Variants in CHRM3 observed in about 807,000 individuals in gnomAD.
CHRM3 encodes muscarinic acetylcholine receptor M3.
Under a neutral mutation model 41.8 loss-of-function variants are expected in CHRM3, and 11 were observed. The ratio of observed to expected loss-of-function variants is 0.26; its 90% CI spans 0.17 to 0.44. CHRM3 has a LOEUF of 0.44. CHRM3 is among the 20% of genes least tolerant of loss of function. The probability of loss-of-function intolerance (pLI) is 1.00; values close to 1 mark genes in which losing one functional copy is unlikely to be tolerated. For synonymous variants in CHRM3, 297 were observed against 301.4 expected (o/e 0.99, Z 0.15); for missense variants, 571 against 745.4 (o/e 0.77, Z 2.72).
chr1:239,869,714 A>G (rs1572542683), intron 6 of CHRM3, among the ~76,000 whole-genome samples: 1 of 152,142 alleles, frequency 6.6e-6, no homozygotes. Flanking sequence ...CTGATTAAGT[A>G]TTATCTTTTT....
intron 1 of CHRM3, among the ~76,000 whole-genome samples, chr1:239,491,664 C>T (rs77698058): frequency 9.9e-4 from 151 of 152,290 alleles, no homozygotes; most frequent in African/African-American, 3.5e-3. Context: ...AGATGTCTCT[C>T]GGACATACTG....
At chr1:239,704,857 T>G (rs776201746) in intron 5 of CHRM3, 2 of 152,142 alleles carry the variant, frequency 1.3e-5, no homozygotes, top group Non-Finnish European at 2.9e-5. Flanking sequence ...TAAATGATAA[T>G]CATAAATTCT....
chr1:239,853,242 GAGA>G (rs930205272), intron 6 of CHRM3, among the ~76,000 whole-genome samples: 29 of 151,784 alleles, frequency 1.9e-4, no homozygotes, highest in African/African-American at 6.8e-4. Context: ...TGAATATTTG[GAGA>G]AGTAGTTTTT....
intron 4 of CHRM3, among the ~76,000 whole-genome samples, chr1:239,665,049 G>GA (rs1673634495): frequency 6.7e-6 from 1 of 149,528 alleles, no homozygotes; most frequent in Admixed American, 6.7e-5. Flanking sequence ...ATCGGTCTCT[G>GA]GAAAAAAATG....
chr1:239,607,669 G>A (rs1212166568), intron 3 of CHRM3, among the ~76,000 whole-genome samples: 1 of 151,818 alleles, frequency 6.6e-6, no homozygotes. Context: ...TAAAAAAAAG[G>A]CTTAGTAAAA....
chr1:239,391,630 C>T (rs1297202437), intron 1 of CHRM3, among the ~76,000 whole-genome samples: 1 of 152,136 alleles, frequency 6.6e-6, no homozygotes, highest in African/African-American at 2.4e-5. Context: ...GCTGCAGCTG[C>T]AGCTTGCCAC....
At chr1:239,843,251 T>C (rs559303) in intron 6 of CHRM3, among the ~76,000 whole-genome samples, 145,934 of 152,188 alleles carry the variant, frequency 0.96, 70,296 homozygotes, top group East Asian at 1. Flanking sequence ...ATCTGCCCAT[T>C]CTTCAAATCC....
At chr1:239,697,993 G>A (rs890658973) in intron 5 of CHRM3, among the ~76,000 whole-genome samples, 1 of 152,188 alleles carries the variant, frequency 6.6e-6, no homozygotes, top group African/African-American at 2.4e-5. Context: ...TGGCAGCATA[G>A]AAAAGTAAGG....
chr1:239,445,896 A>T (rs2103283582), intron 1 of CHRM3, among the ~76,000 whole-genome samples: 1 of 152,176 alleles, frequency 6.6e-6, no homozygotes, highest in South Asian at 2.1e-4. Context: ...GTACTGACCC[A>T]TTTAAGAAGA....
intron 5 of CHRM3, among the ~76,000 whole-genome samples, chr1:239,799,619 C>T (rs922433376): frequency 1.3e-5 from 2 of 152,272 alleles, no homozygotes; most frequent in Admixed American, 1.3e-4. Flanking sequence ...CTGTAGACAG[C>T]AGGAGAAACA....
At chr1:239,611,179 A>G (rs906371720) in intron 3 of CHRM3, among the ~76,000 whole-genome samples, 6 of 152,220 alleles carry the variant, frequency 3.9e-5, no homozygotes, top group Non-Finnish European at 8.8e-5. Flanking sequence ...TTTGAGCTGT[A>G]ACTTTATTTC....
chr1:239,658,090 GA>G, intron 4 of CHRM3, among the ~76,000 whole-genome samples: 1 of 152,248 alleles, frequency 6.6e-6, no homozygotes, highest in Non-Finnish European at 1.5e-5. Flanking sequence ...ATCTCTCAAA[GA>G]AAGAAAAGTT....
intron 3 of CHRM3, among the ~76,000 whole-genome samples, chr1:239,620,494 T>C (rs1001510260): frequency 3.3e-5 from 5 of 150,742 alleles, no homozygotes; most frequent in Non-Finnish European, 7.4e-5. Flanking sequence ...AGATAAGAGA[T>C]AGAGATAGAG....
At chr1:239,789,406 T>C (rs1171264044) in intron 5 of CHRM3, among the ~76,000 whole-genome samples, 2 of 152,196 alleles carry the variant, frequency 1.3e-5, no homozygotes, top group Non-Finnish European at 1.5e-5. Flanking sequence ...TCTCAGTGCA[T>C]TTTGCATTGC....
intron 5 of CHRM3, among the ~76,000 whole-genome samples, chr1:239,785,966 G>A (rs61829244): frequency 0.011 from 1,675 of 152,114 alleles, 15 homozygotes; most frequent in Admixed American, 0.019. Flanking sequence ...AGTACATATG[G>A]GTATAACTGG....
At chr1:239,406,983 TGA>T (rs1243376729) in intron 1 of CHRM3, among the ~76,000 whole-genome samples, 7 of 152,254 alleles carry the variant, frequency 4.6e-5, no homozygotes, top group African/African-American at 1.7e-4. Context: ...GGATTTCACT[TGA>T]GAGATACTTT....
chr1:239,591,851 A>G (rs1664192309), intron 3 of CHRM3, among the ~76,000 whole-genome samples: 1 of 152,198 alleles, frequency 6.6e-6, no homozygotes, highest in African/African-American at 2.4e-5. Flanking sequence ...GTTTATTTTT[A>G]TAAGGAAGAA....
intron 4 of CHRM3, among the ~76,000 whole-genome samples, chr1:239,665,374 A>G (rs1038638288): frequency 1.3e-5 from 2 of 152,042 alleles, no homozygotes; most frequent in East Asian, 3.9e-4. Context: ...GCCACTTTGC[A>G]CCTATCCTCT....
intron 5 of CHRM3, among the ~76,000 whole-genome samples, chr1:239,721,412 G>T (rs150299571): frequency 1.3e-5 from 2 of 151,786 alleles, no homozygotes; most frequent in Admixed American, 6.6e-5. Context: ...GATAGGCATG[G>T]TATTAAATCT....
Sources: gnomAD v4.1 joint callset for allele counts (sites outside exome capture counted in the v4.1 genomes callset) on GRCh38, gnomAD v4.1.1 for gene constraint, MANE v1.5 for transcripts, NCBI Gene and HGNC (gene_info 2026-07-23, HGNC 2026-07-21) for gene names.